The following GYPE variants were observed in gnomAD, a reference collection of about 807,000 sequenced individuals.
The protein encoded by GYPE is glycophorin E (MNS blood group).
Under a neutral mutation model 11.6 loss-of-function variants are expected in GYPE, and 8 were observed. The observed-to-expected ratio is 0.69, with a 90% CI of 0.41 to 1.25. GYPE has a LOEUF of 1.25. GYPE is among the 50% of genes most tolerant of loss of function. The pLI is 0.01. For synonymous variants in GYPE, 28 were observed against 29.6 expected (o/e 0.94, Z 0.18); for missense variants, 90 against 92.8 (o/e 0.97, Z 0.12).
At chr4:143,887,530 T>C (rs369811097) in intron 1 of GYPE, among the ~76,000 whole-genome samples, 3 of 147,574 alleles carry the variant, frequency 2.0e-5, no homozygotes, top group East Asian at 4.2e-4. Flanking sequence ...CCTTACCCCA[T>C]GCCTACTTGC....
chr4:143,903,247 C>G (rs867559870), intron 1 of GYPE, among the ~76,000 whole-genome samples: 4 of 151,452 alleles, frequency 2.6e-5, no homozygotes, highest in Admixed American at 6.6e-5. Flanking sequence ...CATTTATTAT[C>G]TGCGTTCCCT....
At chr4:143,881,818 A>C (rs192510700) in intron 1 of GYPE, among the ~76,000 whole-genome samples, 23 of 152,280 alleles carry the variant, frequency 1.5e-4, no homozygotes, top group Middle Eastern at 3.4e-3. Context: ...AGATATTCAA[A>C]TGAGGGGAAT....
intron 1 of GYPE, among the ~76,000 whole-genome samples, chr4:143,902,977 A>G (rs1057507313): frequency 1.4e-4 from 21 of 152,060 alleles, no homozygotes; most frequent in African/African-American, 3.9e-4. Flanking sequence ...TTCCTTGAAA[A>G]CACTAACTTA....
intron 3 of GYPE, among the ~76,000 whole-genome samples, chr4:143,874,676 C>G (rs780882751): frequency 6.6e-6 from 1 of 152,118 alleles, no homozygotes; most frequent in Non-Finnish European, 1.5e-5. Flanking sequence ...GGTGTGTACT[C>G]GAAGAGGAAA....
chr4:143,889,445 A>G (rs4835361), intron 1 of GYPE, among the ~76,000 whole-genome samples: 1 of 148,614 alleles, frequency 6.7e-6, no homozygotes, highest in Non-Finnish European at 1.5e-5. Flanking sequence ...GGGATCTGTG[A>G]AAGTCTCTGA....
intron 1 of GYPE, among the ~76,000 whole-genome samples, chr4:143,904,496 C>T (rs1261589835): frequency 6.6e-6 from 1 of 152,144 alleles, no homozygotes; most frequent in Non-Finnish European, 1.5e-5. Context: ...TCTGTGTGTT[C>T]CTCATGCCTG....
intron 2 of GYPE, among the ~76,000 whole-genome samples, chr4:143,878,217 C>G (rs575539807): frequency 6.6e-6 from 1 of 152,232 alleles, no homozygotes; most frequent in Admixed American, 6.5e-5. Context: ...CCTCAAACTC[C>G]CAGGCTCAGG....
intron 1 of GYPE, among the ~76,000 whole-genome samples, chr4:143,892,257 C>A (rs1325953753): frequency 6.6e-6 from 1 of 152,034 alleles, no homozygotes; most frequent in East Asian, 1.9e-4. Flanking sequence ...TTTCAAAAAA[C>A]CAGCTCCTGG....
rs1744763336 is a variant in GYPE at position 143,898,945 on chromosome 4, A to ATTCATGTTTTATGTTTTGTATTTATTTCC, written c.37+6497_37+6525dup. 5.4e-5 allele frequency among the ~76,000 whole-genome samples: 8 copies of ATTCATGTTTTATGTTTTGTATTTATTTCC among 147,320 alleles called. No homozygotes were observed. In the Admixed American group the frequency reaches 5.5e-4, roughly 10 times the overall value. On this transcript the variant is annotated intron_variant, in intron 1 of 3. Transcript: ENST00000358615. The stretch of plus-strand genomic sequence containing the variant: ...CTCAGTTGCCTCAAATAGCTGTACT[A>ATTCATGTTTTATGTTTTGTATTTATTTCC]TTCATGTTTTATGTTTTGTATTTAT...
chr4:143,875,428 A>G (rs1297321612), intron 3 of GYPE: 2 of 1,548,986 alleles, frequency 1.3e-6, no homozygotes, highest in Admixed American at 3.9e-5. Context: ...TAGCAGGTGC[A>G]GCCAGTTTGC....
intron 1 of GYPE, among the ~76,000 whole-genome samples, chr4:143,891,251 T>C (rs894723320): frequency 1.3e-5 from 2 of 151,902 alleles, no homozygotes; most frequent in Non-Finnish European, 2.9e-5. Context: ...TATGTTCCAG[T>C]AATGATTTGT....
chr4:143,896,603 T>A (rs907169415), intron 1 of GYPE, among the ~76,000 whole-genome samples: 2 of 152,154 alleles, frequency 1.3e-5, no homozygotes, highest in Non-Finnish European at 2.9e-5. Context: ...GTGTGGCGAT[T>A]CCTCAGGGAT....
intron 1 of GYPE, among the ~76,000 whole-genome samples, chr4:143,890,936 G>C (rs1415491491): frequency 6.6e-6 from 1 of 151,844 alleles, no homozygotes; most frequent in Non-Finnish European, 1.5e-5. Flanking sequence ...GTTGGCCTGA[G>C]TGTTTGGCCT....
intron 1 of GYPE, among the ~76,000 whole-genome samples, chr4:143,901,780 G>A (rs1195584168): frequency 1.3e-5 from 2 of 151,802 alleles, no homozygotes; most frequent in Non-Finnish European, 2.9e-5. Context: ...TAGAAACCAA[G>A]GTGAAAAGAA....
intron 3 of GYPE, 29 bp downstream of exon 3, chr4:143,876,717 T>C (rs1743824128): frequency 3.3e-6 from 4 of 1,196,844 alleles, no homozygotes; most frequent in Non-Finnish European, 4.9e-6. Context: ...CACTGGTATT[T>C]AGAGCAAAAT....
At chr4:143,897,104 A>G (rs960284677) in intron 1 of GYPE, among the ~76,000 whole-genome samples, 21 of 152,074 alleles carry the variant, frequency 1.4e-4, no homozygotes, top group African/African-American at 5.1e-4. Flanking sequence ...ACATGTATAC[A>G]TATGTAACTA....
At chr4:143,893,925 C>A (rs1332301709) in intron 1 of GYPE, among the ~76,000 whole-genome samples, 26 of 152,184 alleles carry the variant, frequency 1.7e-4, no homozygotes, top group African/African-American at 4.3e-4. Flanking sequence ...TGTTTCCATT[C>A]TCCCCATCAC....
chr4:143,873,802 C>A (rs1387696044), intron 3 of GYPE, among the ~76,000 whole-genome samples: 3 of 151,942 alleles, frequency 2.0e-5, no homozygotes, highest in African/African-American at 7.3e-5. Flanking sequence ...AGTTCATGAC[C>A]AAGCTTATAA....
chr4:143,876,414 T>C, intron 3 of GYPE, among the ~76,000 whole-genome samples: 1 of 152,290 alleles, frequency 6.6e-6, no homozygotes, highest in Non-Finnish European at 1.5e-5. Flanking sequence ...TTTTAAACAT[T>C]TTATTCACTA....
Sources: allele counts gnomAD v4.1 joint callset (sites outside exome capture counted in the v4.1 genomes callset), GRCh38; gene constraint gnomAD v4.1.1; transcripts MANE v1.5; gene names NCBI Gene and HGNC (gene_info 2026-07-23, HGNC 2026-07-21).